Variants in TACC2 observed in about 807,000 individuals in gnomAD.
TACC2 encodes transforming acidic coiled-coil containing protein 2, also known as transforming acidic coiled-coil-containing protein 2.
TACC2 carries 137 observed loss-of-function variants against 227.3 expected under a neutral mutation model. That is an observed-to-expected ratio of 0.60 (90% CI 0.52 to 0.69). The LOEUF is 0.69. Among genes scored for constraint, TACC2 ranks in the 30% least tolerant of loss-of-function variants. The probability of loss-of-function intolerance (pLI) is 0.00; values close to 1 mark genes in which losing one functional copy is unlikely to be tolerated. For synonymous variants in TACC2, 1,523 were observed against 1,487.5 expected (o/e 1.02, Z -0.55); for missense variants, 3,470 against 3,694.4 (o/e 0.94, Z 1.57).
chr10:122,237,399 A>G lies in TACC2; in HGVS notation c.8132A>G (p.Glu2711Gly), dbSNP rs1300712545. ...TAATTAAAAACGATTCCACAGAGAG[A>G]GGCTGCTCACCCAACAGACGTCTCC... ...ASRSHQDAKR[E>G]AAHPTDVSIS... Residue 2711 changes from glutamate (E) to glycine (G), a missense_variant, in exon 17 of 23, where the codon GAG (glutamate) becomes GGG (glycine). Glu to Gly is a moderately conservative substitution (Grantham distance 98). Coordinates refer to ENST00000369005, the MANE Select transcript of TACC2 (RefSeq NM_206862.4). 1.2e-6 allele frequency: 2 copies of G among 1,609,032 alleles called. No individual in the cohort carries two copies. The highest frequency in any genetic ancestry group is 2.2e-5 in the South Asian group (2 of 89,960).
Position 122,194,172 on chromosome 10 carries a change from C to T in TACC2, c.5835-868C>T, listed in dbSNP as rs920970318. Among the ~76,000 whole-genome samples, 1 of 152,200 alleles carries T rather than the reference C, an allele frequency of 6.6e-6. No individual in the cohort carries two copies. Among genetic ancestry groups the T allele is most frequent in the Non-Finnish European group, 1.5e-5 (1 of 68,026 alleles). ...TGCCTGACATCAAGCGATCCTCCCA[C>T]CTGAGTCTCCCAAAGCGCTGGGATT... is the stretch of plus-strand genomic sequence containing the variant. On this transcript the variant is annotated intron_variant, in intron 7 of 22. Coordinates refer to ENST00000369005, the MANE Select transcript of TACC2 (RefSeq NM_206862.4). This position sits in a 1 kb window ranked among gnomAD's most constrained non-coding sequence, Gnocchi z 4.4.
chr10:122,242,595 T>C (rs898506328), intron 19 of TACC2, among the ~76,000 whole-genome samples: 6 of 152,164 alleles, frequency 3.9e-5, no homozygotes, highest in Non-Finnish European at 7.3e-5. Context: ...TGGCTCACAA[T>C]AAAAGAAGGC....
intron 2 of TACC2, among the ~76,000 whole-genome samples, chr10:122,031,183 G>A (rs1297684643): frequency 6.6e-6 from 1 of 152,086 alleles, no homozygotes; most frequent in Non-Finnish European, 1.5e-5. Flanking sequence ...GGGATCATTG[G>A]CTTATAGAAT....
intron 1 of TACC2, among the ~76,000 whole-genome samples, chr10:122,002,617 T>C (rs887988924): frequency 4.6e-5 from 7 of 152,210 alleles, no homozygotes; most frequent in East Asian, 3.9e-4. Context: ...CTGATCTTTT[T>C]GTTGTGTTAT....
intron 7 of TACC2, among the ~76,000 whole-genome samples, chr10:122,158,822 A>G (rs1378644475): frequency 6.6e-6 from 1 of 152,226 alleles, no homozygotes; most frequent in Non-Finnish European, 1.5e-5. Flanking sequence ...CGCTGCAAAT[A>G]AACGAACACA....
intron 6 of TACC2, among the ~76,000 whole-genome samples, chr10:122,134,738 A>G (rs564627904): frequency 2.2e-4 from 33 of 152,280 alleles, no homozygotes; most frequent in Non-Finnish European, 4.1e-4. Flanking sequence ...AAGGGAGCCG[A>G]GATCACTCTC....
intron 7 of TACC2, among the ~76,000 whole-genome samples, chr10:122,182,510 A>G (rs1227932713): frequency 6.6e-6 from 1 of 152,212 alleles, no homozygotes; most frequent in Non-Finnish European, 1.5e-5. Context: ...ATGACTTCTC[A>G]GCAGGACTCA....
In TACC2 at chr10:122,249,084, A is replaced by G. The variant is rs1480448917; in HGVS notation, c.8588A>G (p.Tyr2863Cys). The stretch of plus-strand genomic sequence containing the variant: ...GTGTTGAAGAGATGTGCGCAGGAGT[A>G]CCTGTCCCGGGTGAAGAAGGAGGAG... Reference protein sequence around the residue: ...EEVLKRCAQEYLSRVKKEEQR... With the variant: ...EEVLKRCAQECLSRVKKEEQR... Residue 2863 changes from tyrosine to cysteine, a missense_variant, in exon 21 of 23, where the codon TAC (tyrosine) becomes TGC (cysteine). This residue lies in a region of TACC2 where 89 missense variants were observed against 91.4 expected (regional missense o/e 0.97). Transcript: ENST00000369005. The G allele has an allele frequency of 6.2e-7, 1 of 1,613,356 alleles. No homozygotes were observed. Among genetic ancestry groups the G allele is most frequent in the Admixed American group, 1.7e-5 (1 of 59,984 alleles).
At chr10:122,157,429 G>T (rs981067946) in intron 7 of TACC2, among the ~76,000 whole-genome samples, 5 of 152,152 alleles carry the variant, frequency 3.3e-5, no homozygotes, top group African/African-American at 1.2e-4. Context: ...GAAGGCATCA[G>T]CCACCATATA....
intron 8 of TACC2, among the ~76,000 whole-genome samples, chr10:122,195,542 C>T (rs540289432): frequency 2.0e-5 from 3 of 152,098 alleles, no homozygotes; most frequent in Non-Finnish European, 4.4e-5. Context: ...CAGCACTAGG[C>T]TTGGGGAAGG....
At chr10:122,005,005 G>A (rs1413476660) in intron 1 of TACC2, among the ~76,000 whole-genome samples, 1 of 151,874 alleles carries the variant, frequency 6.6e-6, no homozygotes, top group Non-Finnish European at 1.5e-5. Context: ...TTATCACTTG[G>A]TTGGATGAAA....
chr10:122,219,116 C>T (rs781545741), intron 11 of TACC2, among the ~76,000 whole-genome samples: 26 of 151,784 alleles, frequency 1.7e-4, no homozygotes, highest in Non-Finnish European at 2.6e-4. Context: ...TTATTTCTCT[C>T]TGCACCTGCA....
In TACC2 at chr10:122,015,581, G is replaced by A. The variant is rs114752455; in HGVS notation, c.-45-6356G>A. Among the ~76,000 whole-genome samples the A allele has an allele frequency of 2.5e-3, 373 of 152,236 alleles. 1 individual carries two copies. The highest frequency in any genetic ancestry group is 8.6e-3 in the African/African-American group (357 of 41,552). ...TAAGAAGTGAATTAGGCTGGGCACA[G>A]TGTTTCATGCCTGTAATCCTAGCAC... On this transcript the variant is annotated intron_variant, in intron 1 of 22. Coordinates refer to ENST00000369005, the MANE Select transcript of TACC2 (RefSeq NM_206862.4).
chr10:122,163,255 A>G (rs1301798314), intron 7 of TACC2, among the ~76,000 whole-genome samples: 2 of 151,578 alleles, frequency 1.3e-5, no homozygotes, highest in Non-Finnish European at 2.9e-5. Flanking sequence ...TCCTCCAGCC[A>G]TCCCCTTAGT....
At chr10:122,072,433 C>T (rs912253782) in intron 3 of TACC2, among the ~76,000 whole-genome samples, 13 of 152,208 alleles carry the variant, frequency 8.5e-5, no homozygotes, top group African/African-American at 2.9e-4. Flanking sequence ...GGTCAGTGGG[C>T]TCCCAGGCTT....
chr10:122,068,804 C>T (rs1034484307), intron 3 of TACC2, among the ~76,000 whole-genome samples: 102 of 151,650 alleles, frequency 6.7e-4, no homozygotes, highest in African/African-American at 2.3e-3. Context: ...GCTAGGACTA[C>T]AGACGCGCTC....
In TACC2 at chr10:122,237,673, G is replaced by A. The variant is rs953801482; in HGVS notation, c.8271+135G>A. ...CAGGCAAAGATGTGTGGCACACCATGCGTTTTGATCTTCCTAGACGCTATC... is the reference window on the plus strand; with the variant it reads ...CAGGCAAAGATGTGTGGCACACCATACGTTTTGATCTTCCTAGACGCTATC... On this transcript the variant is annotated intron_variant, in intron 17 of 22. Coordinates refer to ENST00000369005, the MANE Select transcript of TACC2 (RefSeq NM_206862.4). 10 of 1,166,384 alleles carry A rather than the reference G, an allele frequency of 8.6e-6. No individual in the cohort carries two copies. The African/African-American group carries it at 9.3e-5, about 11-fold the overall frequency. The allele number at this position is 1,166,384 out of a possible 1,614,324, so 72.3% of individuals were successfully genotyped here. A position where few individuals can be genotyped will look rare whatever the true frequency, so the allele number is the denominator to read the frequency against.
At chr10:122,010,428 T>C (rs1308710018) in intron 1 of TACC2, among the ~76,000 whole-genome samples, 1 of 152,202 alleles carries the variant, frequency 6.6e-6, no homozygotes, top group African/African-American at 2.4e-5. Context: ...ACCTTATATT[T>C]TAATGTGTCA....
At chr10:122,004,922 G>C (rs1954875823) in intron 1 of TACC2, among the ~76,000 whole-genome samples, 1 of 151,938 alleles carries the variant, frequency 6.6e-6, no homozygotes, top group African/African-American at 2.4e-5. Context: ...TCTAAGAGTT[G>C]TTTTAGTTTT....
Sources: allele counts gnomAD v4.1 joint callset (sites outside exome capture counted in the v4.1 genomes callset), GRCh38; gene constraint gnomAD v4.1.1; regional missense constraint gnomAD v4.1.1; non-coding constraint Gnocchi (gnomAD v3.1); transcripts MANE v1.5; gene names NCBI Gene and HGNC (gene_info 2026-07-23, HGNC 2026-07-21).